RALGAPA2: variants seen among roughly 807,000 people sequenced by gnomAD.
RALGAPA2 encodes Ral GTPase activating protein catalytic subunit alpha 2.
RALGAPA2 carries 139 observed loss-of-function variants against 230.4 expected under a neutral mutation model. That is an observed-to-expected ratio of 0.60 (90% CI 0.53 to 0.69). The LOEUF is 0.69. Among genes scored for constraint, RALGAPA2 ranks in the 30% least tolerant of loss-of-function variants. RALGAPA2 has a pLI of 0.00. For synonymous variants in RALGAPA2, 847 were observed against 837.8 expected, an observed-to-expected ratio of 1.01 and a Z score of -0.19; for missense variants, 2,163 against 2,276.0, an observed-to-expected ratio of 0.95 and a Z score of 1.01.
At chr20:20,610,510 G>T (rs1390285165) in intron 14 of RALGAPA2, among the ~76,000 whole-genome samples, 1 of 152,018 alleles carries the variant, frequency 6.6e-6, no homozygotes, top group African/African-American at 2.4e-5. Context: ...CCATATCCGG[G>T]ACCTCACTTA....
At chr20:20,686,363 T>C (rs1393215792) in intron 1 of RALGAPA2, among the ~76,000 whole-genome samples, 3 of 152,064 alleles carry the variant, frequency 2.0e-5, no homozygotes, top group Non-Finnish European at 2.9e-5. Flanking sequence ...CTGGCCAACA[T>C]GGTGAAATCC....
chr20:20,424,910 A>C (rs2060349421), intron 37 of RALGAPA2, among the ~76,000 whole-genome samples: 1 of 152,042 alleles, frequency 6.6e-6, no homozygotes, highest in Non-Finnish European at 1.5e-5. Flanking sequence ...ATGAATTGTA[A>C]ACTCTGTTTC....
chr20:20,483,278 C>G (rs1372784088), intron 36 of RALGAPA2, among the ~76,000 whole-genome samples: 1 of 152,176 alleles, frequency 6.6e-6, no homozygotes, highest in Non-Finnish European at 1.5e-5. Flanking sequence ...CAATCATGAT[C>G]ACAATCTCTA....
chr20:20,572,978 C>T lies in RALGAPA2; in HGVS notation c.2798G>A (p.Arg933Gln), dbSNP rs201350348. The T allele has an allele frequency of 7.6e-5, 122 of 1,607,214 alleles. 1 individual carries two copies. In the East Asian group the frequency reaches 8.1e-4, roughly 11 times the overall value. Residue 933 changes from arginine to glutamine, a missense_variant, in exon 21 of 40, where the codon CGA (arginine) becomes CAA (glutamine). Physicochemically the swap from Arg to Gln is conservative, Grantham distance 43. Transcript: ENST00000202677. ...WHPDSAAVLW[R>Q]RVLGILGDVN... is the part of the protein sequence containing the mutation. ...ATCTCCGAGGATCCCCAAGACCCTT[C>T]GCCATAACACAGCAGCAGAGTCTGG...
chr20:20,545,128 TTA>T (rs1269809776), intron 24 of RALGAPA2, among the ~76,000 whole-genome samples: 1 of 152,238 alleles, frequency 6.6e-6, no homozygotes, highest in African/African-American at 2.4e-5. Flanking sequence ...TTCTTTGAGA[TTA>T]TCCTAAATTT....
At chr20:20,397,470 C>T (rs1330759570) in intron 38 of RALGAPA2, among the ~76,000 whole-genome samples, 2 of 152,124 alleles carry the variant, frequency 1.3e-5, no homozygotes, top group Admixed American at 6.5e-5. Context: ...TTTCCTACGG[C>T]GGGGTTTCCT....
Position 20,708,095 on chromosome 20 carries a change from GA to G in RALGAPA2, c.106+4279del, listed in dbSNP as rs991451590. Among the ~76,000 whole-genome samples, 4 of 151,762 alleles carry G rather than the reference GA, an allele frequency of 2.6e-5. No homozygotes were observed. The East Asian group carries it at 5.8e-4, about 22-fold the overall frequency. On this transcript the variant is annotated intron_variant, in intron 1 of 39. Coordinates refer to ENST00000202677, the MANE Select transcript of RALGAPA2 (RefSeq NM_020343.4). Reference sequence around the variant, plus strand: ...ACACTGAATTTCAAAAACTTCATATGAAAAAAAGATGTAAAAAATACTGATA... The same window carrying G: ...ACACTGAATTTCAAAAACTTCATATGAAAAAAGATGTAAAAAATACTGATA...
intron 14 of RALGAPA2, among the ~76,000 whole-genome samples, chr20:20,607,198 T>C (rs543818644): frequency 1.3e-5 from 2 of 152,294 alleles, no homozygotes; most frequent in African/African-American, 2.4e-5. Context: ...CTCTTTAACA[T>C]AGATACAGGA....
chr20:20,405,945 T>C (rs1185904287), intron 38 of RALGAPA2, among the ~76,000 whole-genome samples: 1 of 152,218 alleles, frequency 6.6e-6, no homozygotes, highest in Non-Finnish European at 1.5e-5. Context: ...TCACTCCTGT[T>C]GCATGTAGGA....
At chr20:20,544,700 G>A (rs909237363) in intron 24 of RALGAPA2, among the ~76,000 whole-genome samples, 12 of 152,180 alleles carry the variant, frequency 7.9e-5, no homozygotes, top group Admixed American at 5.9e-4. Flanking sequence ...ACAAAAAAGA[G>A]TAAGTTCGTG....
chr20:20,553,125 C>T (rs190355088), intron 23 of RALGAPA2, among the ~76,000 whole-genome samples: 280 of 152,248 alleles, frequency 1.8e-3, no homozygotes, highest in Non-Finnish European at 3.6e-3. Flanking sequence ...TAACTTGGTA[C>T]ATCTGTCTGG....
chr20:20,452,892 G>A (rs2061020657), intron 37 of RALGAPA2, among the ~76,000 whole-genome samples: 1 of 152,218 alleles, frequency 6.6e-6, no homozygotes, highest in Non-Finnish European at 1.5e-5. Flanking sequence ...ATGGAGAGGT[G>A]TTGACCAGGC....
chr20:20,629,338 C>T, intron 10 of RALGAPA2, 25 bp downstream of exon 10: 11 of 1,496,580 alleles, frequency 7.4e-6, no homozygotes, highest in Non-Finnish European at 1.0e-5. Context: ...CACACACACA[C>T]ACACACACAC....
At chr20:20,598,802 T>C (rs1398791494) in intron 16 of RALGAPA2, 5 of 456,366 alleles carry the variant, frequency 1.1e-5, no homozygotes, top group South Asian at 6.2e-5. Context: ...CAGTTGCTGA[T>C]AGACTGGCTT....
chr20:20,657,824 A>G (rs375240563), intron 3 of RALGAPA2, among the ~76,000 whole-genome samples: 1 of 152,236 alleles, frequency 6.6e-6, no homozygotes, highest in East Asian at 1.9e-4. Flanking sequence ...AAAAGTAAAG[A>G]TTCAGAATAG....
At chr20:20,524,218 A>C (rs1170283433) in intron 30 of RALGAPA2, among the ~76,000 whole-genome samples, 188 bp downstream of exon 30, 1 of 152,204 alleles carries the variant, frequency 6.6e-6, no homozygotes, top group Non-Finnish European at 1.5e-5. Flanking sequence ...GGCCTCCCAA[A>C]GTGCTGGGAT....
At chr20:20,678,329 C>CA (rs1452777356) in intron 2 of RALGAPA2, among the ~76,000 whole-genome samples, 6 of 152,064 alleles carry the variant, frequency 3.9e-5, no homozygotes, top group Non-Finnish European at 7.3e-5. Context: ...TTTATTGGTT[C>CA]TTCACTATGA....
At chr20:20,599,299 C>G (rs2065561306) in intron 16 of RALGAPA2, among the ~76,000 whole-genome samples, 1 of 152,244 alleles carries the variant, frequency 6.6e-6, no homozygotes, top group Middle Eastern at 3.4e-3. Flanking sequence ...ACATAAAAGT[C>G]AAGTTGAACA....
In RALGAPA2 at chr20:20,639,896, C is replaced by T. The variant is rs2066976569; in HGVS notation, c.555G>A (p.Lys185=). The part of the protein sequence containing the change: ...INPSPSVADV[K]IYPEEITPLL... ...GTGGAGTGATTTCTTCTGGATATAT[C>T]TTTACTGAAAGGACAGAAAATGATG... Residue 185 remains lysine, a synonymous_variant, in exon 7 of 40, where the codon AAG becomes AAA. Transcript: ENST00000202677. The T allele has an allele frequency of 1.2e-6, 2 of 1,603,846 alleles. No individual in the cohort carries two copies. Among genetic ancestry groups the T allele is most frequent in the African/African-American group, 1.3e-5 (1 of 74,616 alleles).
Sources: allele counts gnomAD v4.1 joint callset (sites outside exome capture counted in the v4.1 genomes callset), GRCh38; gene constraint gnomAD v4.1.1; transcripts MANE v1.5; gene names NCBI Gene and HGNC (gene_info 2026-07-23, HGNC 2026-07-21).